Variants in PCSK2 observed in about 807,000 individuals in gnomAD.
PCSK2 encodes the protein proprotein convertase subtilisin/kexin type 2.
PCSK2 carries 14 observed loss-of-function variants against 69.7 expected under a neutral mutation model. The ratio of observed to expected loss-of-function variants is 0.20; its 90% CI spans 0.13 to 0.31. The LOEUF is 0.31. PCSK2 is among the 10% of genes least tolerant of loss of function. The pLI, the probability that PCSK2 is intolerant of heterozygous loss-of-function variation, is 1.00. For missense variants in PCSK2, 544 were observed against 842.5 expected (o/e 0.65, Z 4.39); for synonymous variants, 307 against 320.7 (o/e 0.96, Z 0.46).
intron 1 of PCSK2, among the ~76,000 whole-genome samples, chr20:17,256,493 C>A (rs778609340): frequency 2.0e-5 from 3 of 152,092 alleles, no homozygotes; most frequent in Non-Finnish European, 4.4e-5. Context: ...GAAAATTTGA[C>A]ATTTTAAATA....
intron 10 of PCSK2, among the ~76,000 whole-genome samples, chr20:17,461,365 A>G (rs1483882069): frequency 6.6e-6 from 1 of 152,172 alleles, no homozygotes; most frequent in Non-Finnish European, 1.5e-5. Context: ...TAGAGGATAG[A>G]CTCAGAATTT....
At chr20:17,304,473 T>G (rs754710364) in intron 2 of PCSK2, among the ~76,000 whole-genome samples, 1 of 152,328 alleles carries the variant, frequency 6.6e-6, no homozygotes, top group East Asian at 1.9e-4. Flanking sequence ...AATTACTGGT[T>G]AATAGATAGA....
At chr20:17,423,203 T>C (rs1441558728) in intron 6 of PCSK2, among the ~76,000 whole-genome samples, 3 of 152,144 alleles carry the variant, frequency 2.0e-5, no homozygotes, top group African/African-American at 4.8e-5. Flanking sequence ...TAGGGAGACA[T>C]AAGACATTAA....
intron 2 of PCSK2, among the ~76,000 whole-genome samples, chr20:17,266,233 G>A (rs1987595484): frequency 6.6e-6 from 1 of 152,340 alleles, no homozygotes; most frequent in Non-Finnish European, 1.5e-5. Flanking sequence ...GCCTTGAACT[G>A]AAGGCAGCTG....
intron 2 of PCSK2, among the ~76,000 whole-genome samples, chr20:17,348,804 A>G (rs1720805427): frequency 6.6e-6 from 1 of 151,812 alleles, no homozygotes; most frequent in African/African-American, 2.4e-5. Context: ...ATTGGATGAG[A>G]CCCCACCCTA....
At chr20:17,227,940 G>T (rs1412564712) in intron 1 of PCSK2, among the ~76,000 whole-genome samples, 2 of 152,020 alleles carry the variant, frequency 1.3e-5, no homozygotes, top group Admixed American at 6.5e-5. Context: ...AATTCACCTC[G>T]GTGTTTCTCC....
intron 6 of PCSK2, among the ~76,000 whole-genome samples, chr20:17,427,143 G>A (rs2032264697): frequency 6.6e-6 from 1 of 152,178 alleles, no homozygotes; most frequent in Non-Finnish European, 1.5e-5. Flanking sequence ...ATAATAGGCT[G>A]TTGTGAGGAT....
chr20:17,435,786 G>A (rs2032472996), intron 7 of PCSK2, among the ~76,000 whole-genome samples: 1 of 152,218 alleles, frequency 6.6e-6, no homozygotes, highest in African/African-American at 2.4e-5. Flanking sequence ...CTGGAGAGAG[G>A]CATGTGACCC....
chr20:17,295,554 T>A (rs60815768), intron 2 of PCSK2, among the ~76,000 whole-genome samples: 14,132 of 147,640 alleles, frequency 0.096, 803 homozygotes, highest in African/African-American at 0.15. Context: ...TTATATATAT[T>A]TATTTATTTA....
At chr20:17,365,524 T>G (rs2030560558) in intron 4 of PCSK2, among the ~76,000 whole-genome samples, 1 of 152,168 alleles carries the variant, frequency 6.6e-6, no homozygotes, top group South Asian at 2.1e-4. Context: ...AAGTCTTGAT[T>G]TGTTCCAGCA....
chr20:17,417,900 G>C (rs1462141287), intron 6 of PCSK2, among the ~76,000 whole-genome samples: 1 of 152,086 alleles, frequency 6.6e-6, no homozygotes, highest in Non-Finnish European at 1.5e-5. Flanking sequence ...CTCTATTTTT[G>C]TATGTTTTTG....
chr20:17,325,556 A>G (rs1455547184), intron 2 of PCSK2, among the ~76,000 whole-genome samples: 2 of 152,236 alleles, frequency 1.3e-5, no homozygotes, highest in Non-Finnish European at 2.9e-5. Context: ...GGTAGGTCAT[A>G]TCTCAATTAA....
intron 2 of PCSK2, among the ~76,000 whole-genome samples, chr20:17,285,926 C>T (rs188038803): frequency 6.6e-6 from 1 of 152,348 alleles, no homozygotes; most frequent in Admixed American, 6.5e-5. Flanking sequence ...CAGACCCCAC[C>T]AGAGCTGCTG....
chr20:17,268,094 T>C, intron 2 of PCSK2, among the ~76,000 whole-genome samples: 1 of 143,484 alleles, frequency 7.0e-6, no homozygotes, highest in Non-Finnish European at 1.6e-5. Context: ...TTATATCTTC[T>C]AAAAATGATT....
At chr20:17,303,241 G>A (rs1003837176) in intron 2 of PCSK2, among the ~76,000 whole-genome samples, 32 of 138,070 alleles carry the variant, frequency 2.3e-4, no homozygotes, top group African/African-American at 7.5e-4. Flanking sequence ...ATATATTATA[G>A]ATAATTATAT....
chr20:17,404,285 TCA>T (rs1399348375), intron 5 of PCSK2, among the ~76,000 whole-genome samples: 3 of 152,232 alleles, frequency 2.0e-5, no homozygotes, highest in African/African-American at 7.2e-5. Flanking sequence ...ATCTGTTCAA[TCA>T]CATCAGTGGA....
chr20:17,347,711 G>A (rs1384449340), intron 2 of PCSK2, among the ~76,000 whole-genome samples: 1 of 151,598 alleles, frequency 6.6e-6, no homozygotes, highest in Non-Finnish European at 1.5e-5. Flanking sequence ...CATGTGAGGA[G>A]ACAGAGGATA....
chr20:17,424,766 C>A (rs928114346), intron 6 of PCSK2, among the ~76,000 whole-genome samples: 12 of 151,884 alleles, frequency 7.9e-5, no homozygotes, highest in African/African-American at 2.9e-4. Context: ...GCTGGGATTA[C>A]AGGCGTGAGC....
chr20:17,439,067 T>C (rs1412093135), intron 8 of PCSK2, among the ~76,000 whole-genome samples: 2 of 152,164 alleles, frequency 1.3e-5, no homozygotes, highest in Admixed American at 6.5e-5. Flanking sequence ...CTTTTTCCTT[T>C]GGCTGCCAGG....
Sources: allele counts gnomAD v4.1 joint callset (sites outside exome capture counted in the v4.1 genomes callset), GRCh38; gene constraint gnomAD v4.1.1; transcripts MANE v1.5; gene names NCBI Gene and HGNC (gene_info 2026-07-23, HGNC 2026-07-21).